The following GALK2 variants were observed in gnomAD, a reference collection of about 807,000 sequenced individuals.
GALK2 encodes the protein N-acetylgalactosamine kinase.
Under a neutral mutation model 52.4 loss-of-function variants are expected in GALK2, and 36 were observed. That is an observed-to-expected ratio of 0.69 (90% CI 0.53 to 0.91). The LOEUF is 0.91. Among genes scored for constraint, GALK2 ranks in the 40% least tolerant of loss-of-function variants. The probability of loss-of-function intolerance (pLI) is 0.00; values close to 1 mark genes in which losing one functional copy is unlikely to be tolerated. For synonymous variants in GALK2, 176 were observed against 199.1 expected (o/e 0.88, Z 0.98); for missense variants, 579 against 559.1 (o/e 1.04, Z -0.36).
At chr15:49,175,679 C>G (rs561382594) in intron 1 of GALK2, among the ~76,000 whole-genome samples, 20 of 152,220 alleles carry the variant, frequency 1.3e-4, no homozygotes, top group African/African-American at 4.6e-4. Flanking sequence ...CTCATATTGT[C>G]TTATGCCCAA....
At position 49,208,371 on chromosome 15, in the gene GALK2, AAAG is replaced by A. The variant is rs138816364; in HGVS notation, c.142+7125_142+7127del. Among the ~76,000 whole-genome samples, 876 of 152,272 alleles carry A rather than the reference AAAG, an allele frequency of 5.8e-3. 20 individuals are homozygous for A. In the East Asian group the frequency reaches 0.061, roughly 11 times the overall value. On this transcript the variant is annotated intron_variant, in intron 2 of 9. Transcript: ENST00000560031. Reference sequence around the variant, plus strand: ...TTGTGTCATTATTGTCATTCAGTTCAAAGAAGTTTTTAATTTCCATCTGGATCT... The same window carrying A: ...TTGTGTCATTATTGTCATTCAGTTCAAAGTTTTTAATTTCCATCTGGATCT...
At chr15:49,276,576 G>A (rs1333198431) in intron 5 of GALK2, among the ~76,000 whole-genome samples, 1 of 152,196 alleles carries the variant, frequency 6.6e-6, no homozygotes, top group Non-Finnish European at 1.5e-5. Flanking sequence ...AAGTCACTCT[G>A]TCTGATTATA....
intron 5 of GALK2, among the ~76,000 whole-genome samples, chr15:49,244,101 G>A (rs1208569784): frequency 1.3e-5 from 2 of 151,908 alleles, no homozygotes; most frequent in African/African-American, 2.4e-5. Context: ...ACAGTTATTA[G>A]AAATTATTAT....
At chr15:49,288,007 T>C (rs1344621617) in intron 7 of GALK2, among the ~76,000 whole-genome samples, 1 of 152,178 alleles carries the variant, frequency 6.6e-6, no homozygotes, top group Non-Finnish European at 1.5e-5. Flanking sequence ...TCATAAAAAG[T>C]CAGAGCCTTG....
At chr15:49,327,779 C>G in intron 9 of GALK2, 173 bp from the exon 10 acceptor site, 1 of 531,730 alleles carries the variant, frequency 1.9e-6, no homozygotes, top group Non-Finnish European at 3.1e-6. Context: ...AATTCCAAAT[C>G]ACTCTCTGAA....
At chr15:49,337,740 A>G (rs139722536) in intron 3 of GALK2, among the ~76,000 whole-genome samples, 4,067 of 151,562 alleles carry the variant, frequency 0.027, 95 homozygotes, top group African/African-American at 0.056. Context: ...TCATTGTTCA[A>G]TTCCCACTTA....
At chr15:49,305,710 A>G (rs938950997) in intron 8 of GALK2, among the ~76,000 whole-genome samples, 14 of 152,238 alleles carry the variant, frequency 9.2e-5, no homozygotes, top group Admixed American at 8.5e-4. Context: ...GAAGGGGGAC[A>G]GAGAGGATGA....
At chr15:49,275,679 A>G (rs1311617832) in intron 5 of GALK2, among the ~76,000 whole-genome samples, 1 of 152,222 alleles carries the variant, frequency 6.6e-6, no homozygotes, top group Non-Finnish European at 1.5e-5. Context: ...ACTGCTAAAC[A>G]AAAACAGGTC....
chr15:49,167,814 T>G (rs1282077204), upstream of GALK2, among the ~76,000 whole-genome samples: 1 of 152,256 alleles, frequency 6.6e-6, no homozygotes, highest in Non-Finnish European at 1.5e-5. Flanking sequence ...CTTAGCAAGA[T>G]GCCTAGTATA....
chr15:49,346,371 T>C (rs988243143), intron 3 of GALK2, among the ~76,000 whole-genome samples: 2 of 152,200 alleles, frequency 1.3e-5, no homozygotes, highest in African/African-American at 2.4e-5. Flanking sequence ...TTGCACAGAA[T>C]GAACCTGTTA....
At chr15:49,170,067 C>T (rs964528325), upstream of GALK2, 8 of 696,774 alleles carry the variant, frequency 1.1e-5, no homozygotes, top group African/African-American at 1.4e-4. Flanking sequence ...GCCCTAGTCC[C>T]TCCCTGGGAG....
chr15:49,323,128 G>A (rs11070686), intron 9 of GALK2, among the ~76,000 whole-genome samples: 41,759 of 151,882 alleles, frequency 0.27, 6,221 homozygotes, highest in East Asian at 0.41. Flanking sequence ...GGAAAGGTTC[G>A]AATGAACAGT....
chr15:49,211,591 A>G (rs1181662253), intron 2 of GALK2, among the ~76,000 whole-genome samples: 1 of 152,200 alleles, frequency 6.6e-6, no homozygotes, highest in Non-Finnish European at 1.5e-5. Context: ...TGGATAATTT[A>G]TTTAAAAAAA....
In GALK2 at chr15:49,188,957, A is replaced by T. The variant is rs903180975; in HGVS notation, c.54-12205A>T. Among the ~76,000 whole-genome samples the T allele has an allele frequency of 5.9e-5, 9 of 152,344 alleles. 1 individual carries two copies. Among genetic ancestry groups the T allele is most frequent in the African/African-American group, 2.2e-4 (9 of 41,590 alleles). On this transcript the variant is annotated intron_variant, in intron 1 of 9. Coordinates refer to ENST00000560031, the MANE Select transcript of GALK2 (RefSeq NM_002044.4). Reference sequence around the variant, plus strand: ...GAAACAGCATAATAAAAAGCAGATTATTATGTTAACATCAGGTTACTTAAG... The same window carrying T: ...GAAACAGCATAATAAAAAGCAGATTTTTATGTTAACATCAGGTTACTTAAG...
intron 5 of GALK2, among the ~76,000 whole-genome samples, chr15:49,268,728 C>A (rs2029881414): frequency 6.6e-6 from 1 of 152,154 alleles, no homozygotes; most frequent in Non-Finnish European, 1.5e-5. Context: ...TACTGTCTCT[C>A]TTTAGACAAT....
At chr15:49,185,135 C>T (rs1391218864) in intron 1 of GALK2, among the ~76,000 whole-genome samples, 1 of 152,150 alleles carries the variant, frequency 6.6e-6, no homozygotes, top group Non-Finnish European at 1.5e-5. Flanking sequence ...CTCCTCCTTT[C>T]CTCTCTCTAG....
intron 3 of GALK2, among the ~76,000 whole-genome samples, chr15:49,348,063 G>C (rs1245010506): frequency 6.8e-6 from 1 of 146,888 alleles, no homozygotes; most frequent in Non-Finnish European, 1.5e-5. Flanking sequence ...AAAAGTGTTA[G>C]TGCTTCAAAT....
At chr15:49,332,141 G>C (rs2038913024), downstream of GALK2, among the ~76,000 whole-genome samples, 1 of 149,460 alleles carries the variant, frequency 6.7e-6, no homozygotes, top group African/African-American at 2.4e-5. Context: ...CATACACTTA[G>C]CAAGGAGACA....
intron 5 of GALK2, among the ~76,000 whole-genome samples, chr15:49,270,166 T>C (rs567074618): frequency 3.5e-4 from 53 of 152,322 alleles, no homozygotes; most frequent in African/African-American, 1.3e-3. Flanking sequence ...AATTATACAA[T>C]CCAAAATATT....
Sources: allele counts gnomAD v4.1 joint callset (sites outside exome capture counted in the v4.1 genomes callset), GRCh38; gene constraint gnomAD v4.1.1; transcripts MANE v1.5; gene names NCBI Gene and HGNC (gene_info 2026-07-23, HGNC 2026-07-21).